TMEM67: variants seen among roughly 807,000 people sequenced by gnomAD.
TMEM67 encodes transmembrane protein 67.
A neutral mutation model predicts 136.6 loss-of-function variants in TMEM67; 124 were observed. The observed-to-expected ratio is 0.91, with a 90% CI of 0.78 to 1.05. TMEM67 has a LOEUF of 1.05. Ranked by LOEUF, TMEM67 falls within the 50% of genes least tolerant of loss-of-function variation. The pLI is 0.00. For synonymous variants in TMEM67, 364 were observed against 390.5 expected (o/e 0.93, Z 0.80); for missense variants, 1,107 against 1,178.4 (o/e 0.94, Z 0.89).
chr8:93,818,236 T>C (rs2130806800), downstream of TMEM67, among the ~76,000 whole-genome samples: 1 of 152,338 alleles, frequency 6.6e-6, no homozygotes, highest in Non-Finnish European at 1.5e-5. Context: ...TCACTATACT[T>C]TGACTCTTAT....
intron 4 of TMEM67, among the ~76,000 whole-genome samples, chr8:93,764,180 T>A (rs1426164479): frequency 6.6e-6 from 1 of 152,158 alleles, no homozygotes; most frequent in African/African-American, 2.4e-5. Flanking sequence ...TCACAATCCC[T>A]TGTCTTTAGA....
intron 7 of TMEM67, among the ~76,000 whole-genome samples, chr8:93,775,706 G>T (rs951480951): frequency 3.3e-5 from 5 of 152,064 alleles, no homozygotes; most frequent in African/African-American, 1.2e-4. Flanking sequence ...TGTTCCATTG[G>T]TCTATGTATC....
intron 23 of TMEM67, 140 bp downstream of exon 23, chr8:93,805,018 G>A (rs1815074672): frequency 3.3e-6 from 2 of 597,206 alleles, no homozygotes; most frequent in Non-Finnish European, 3.0e-6. Context: ...TGTCACCCAG[G>A]CTGGAGTGCA....
chr8:93,826,123 CTTTTTTTTTTTTTTT>C, the TMEM67 span, among the ~76,000 whole-genome samples: 3 of 52,372 alleles, frequency 5.7e-5, no homozygotes, highest in East Asian at 1.5e-3. Flanking sequence ...TTAATCATGT[CTTTTTTTTTTTTTTT>C]TTTTTTTTTT....
intron 10 of TMEM67, among the ~76,000 whole-genome samples, chr8:93,781,962 A>G (rs1403360940): frequency 6.6e-6 from 1 of 151,396 alleles, no homozygotes; most frequent in African/African-American, 2.4e-5. Context: ...TTTCTTAACC[A>G]GGCTGGAGTG....
chr8:93,768,279 TACAC>T (rs74452116), intron 6 of TMEM67, among the ~76,000 whole-genome samples: 59,637 of 151,432 alleles, frequency 0.39, 12,821 homozygotes, highest in African/African-American at 0.56. Flanking sequence ...CATACATACA[TACAC>T]ACACACATCT....
chr8:93,786,371 T>C (rs746417351), intron 13 of TMEM67, 25 bp downstream of exon 13: 1 of 1,610,684 alleles, frequency 6.2e-7, no homozygotes, highest in East Asian at 2.2e-5. Context: ...AATGATATTA[T>C]TTATGGGAAA....
intron 26 of TMEM67, among the ~76,000 whole-genome samples, chr8:93,811,995 CA>C (rs1808721275): frequency 6.6e-6 from 1 of 151,568 alleles, no homozygotes; most frequent in Non-Finnish European, 1.5e-5. Context: ...ATTAAAAATA[CA>C]AAATTAGCCG....
chr8:93,763,009 A>G (rs761879847), intron 3 of TMEM67: 4 of 385,566 alleles, frequency 1.0e-5, no homozygotes, highest in African/African-American at 6.3e-5. Context: ...TGCAACCTCC[A>G]CCTACCAGGT....
At chr8:93,814,208 C>T (rs998059917) in intron 26 of TMEM67, among the ~76,000 whole-genome samples, 1 of 129,972 alleles carries the variant, frequency 7.7e-6, no homozygotes, top group Admixed American at 8.5e-5. Context: ...GGCACGATCT[C>T]GGCTCACTGC....
chr8:93,757,335 C>T (rs1812621541), intron 2 of TMEM67, among the ~76,000 whole-genome samples: 1 of 151,896 alleles, frequency 6.6e-6, no homozygotes, highest in Non-Finnish European at 1.5e-5. Context: ...TGCTGTCATA[C>T]TTTATCAAAA....
chr8:93,762,649 G>T (rs955507156), intron 3 of TMEM67, among the ~76,000 whole-genome samples: 2 of 152,018 alleles, frequency 1.3e-5, no homozygotes, highest in Non-Finnish European at 2.9e-5. Flanking sequence ...TATTTGGGGG[G>T]TGTATTCTTA....
At chr8:93,805,596 A>G (rs1815111030) in intron 23 of TMEM67, among the ~76,000 whole-genome samples, 1 of 151,810 alleles carries the variant, frequency 6.6e-6, no homozygotes, top group Non-Finnish European at 1.5e-5. Flanking sequence ...AAAAAAAAAA[A>G]AAGAAAGTTG....
chr8:93,788,821 C>G (rs983286079), intron 14 of TMEM67, among the ~76,000 whole-genome samples: 5 of 152,180 alleles, frequency 3.3e-5, no homozygotes, highest in African/African-American at 1.2e-4. Context: ...GACAGAAGGC[C>G]TCTCCTGCCT....
At chr8:93,818,645 G>C (rs1027806541), downstream of TMEM67, among the ~76,000 whole-genome samples, 2 of 152,148 alleles carry the variant, frequency 1.3e-5, no homozygotes, top group East Asian at 3.8e-4. Flanking sequence ...AGCAAAAGAA[G>C]CCCTGGATTC....
chr8:93,761,107 C>T (rs905382966), intron 3 of TMEM67, among the ~76,000 whole-genome samples: 11 of 152,176 alleles, frequency 7.2e-5, no homozygotes, highest in African/African-American at 2.7e-4. Flanking sequence ...TTCAGGAGTT[C>T]AAGACCAGCC....
intron 6 of TMEM67, among the ~76,000 whole-genome samples, chr8:93,772,094 T>C (rs2130620189): frequency 6.6e-6 from 1 of 152,368 alleles, no homozygotes; most frequent in East Asian, 1.9e-4. Context: ...TACTGATTCG[T>C]TTTTGTTTGG....
At chr8:93,788,896 G>T (rs1361765213) in intron 14 of TMEM67, among the ~76,000 whole-genome samples, 1 of 152,168 alleles carries the variant, frequency 6.6e-6, no homozygotes, top group Non-Finnish European at 1.5e-5. Flanking sequence ...CCTAAAGAAG[G>T]TTGAGCCACA....
chr8:93,785,370 T>G lies in TMEM67; in HGVS notation c.1280T>G (p.Val427Gly). 6.2e-7 allele frequency: 1 copy of G among 1,612,712 alleles called. No individual in the cohort carries two copies. The highest frequency in any genetic ancestry group is 8.5e-7 in the Non-Finnish European group (1 of 1,179,312). Residue 427 changes from valine to glycine, a missense_variant, in exon 12 of 28, where the codon GTG (valine) becomes GGG (glycine). By Grantham distance (109) the Val-to-Gly change is moderately radical (BLOSUM62 -3). Transcript: ENST00000453321. The part of the protein sequence containing the change: ...NLNLQHNKIF[V>G]NQDSNSGKWL... ...AATCTTCAACATAATAAGATATTTGTGAACCAAGGTAAGACATCCATACAT... is the reference window on the plus strand; with the variant it reads ...AATCTTCAACATAATAAGATATTTGGGAACCAAGGTAAGACATCCATACAT...
Sources: gnomAD v4.1 joint callset for allele counts (sites outside exome capture counted in the v4.1 genomes callset) on GRCh38, gnomAD v4.1.1 for gene constraint, MANE v1.5 for transcripts, NCBI Gene and HGNC (gene_info 2026-07-23, HGNC 2026-07-21) for gene names.